The following FNIP2 variants were observed in gnomAD, a reference collection of about 807,000 sequenced individuals.
FNIP2 encodes folliculin interacting protein 2, also known as folliculin-interacting protein 2.
A neutral mutation model predicts 108.7 loss-of-function variants in FNIP2; 32 were observed. The ratio of observed to expected loss-of-function variants is 0.29; its 90% CI spans 0.22 to 0.40. FNIP2 has a LOEUF of 0.40. FNIP2 is among the 10% of genes least tolerant of loss of function. The probability of loss-of-function intolerance (pLI) is 1.00; values close to 1 mark genes in which losing one functional copy is unlikely to be tolerated. For missense variants in FNIP2, 1,202 were observed against 1,381.6 expected (o/e 0.87, Z 2.06); for synonymous variants, 480 against 496.7 (o/e 0.97, Z 0.45).
At chr4:158,892,141 CTTTTTTTTTTTT>C (rs34895070) in intron 15 of FNIP2, among the ~76,000 whole-genome samples, 1 of 113,510 alleles carries the variant, frequency 8.8e-6, no homozygotes, top group Non-Finnish European at 1.8e-5. Context: ...TCAATTGTTG[CTTTTTTTTTTTT>C]TTTTTTTTTG....
intron 16 of FNIP2, among the ~76,000 whole-genome samples, chr4:158,896,569 G>A (rs1011978444): frequency 6.6e-6 from 1 of 152,078 alleles, no homozygotes; most frequent in Non-Finnish European, 1.5e-5. Flanking sequence ...TTATAATGTC[G>A]ACGTTTAAAT....
chr4:158,783,411 A>C (rs1327553699), intron 1 of FNIP2, among the ~76,000 whole-genome samples: 1 of 152,214 alleles, frequency 6.6e-6, no homozygotes, highest in African/African-American at 2.4e-5. Context: ...AGATGTTTTT[A>C]GTTGGAGAGG....
intron 1 of FNIP2, among the ~76,000 whole-genome samples, chr4:158,824,712 C>T (rs1256713505): frequency 1.3e-5 from 2 of 152,204 alleles, no homozygotes; most frequent in Non-Finnish European, 2.9e-5. Flanking sequence ...TTTTCCTTGG[C>T]TTCTCATGGA....
chr4:158,836,782 C>T (rs1226830819), intron 7 of FNIP2: 1 of 125,936 alleles, frequency 7.9e-6, no homozygotes. Flanking sequence ...CGCCACTATA[C>T]TCCAGGCTGG....
rs11340968 is a variant in FNIP2 at position 158,905,694 on chromosome 4, CAAAAAAAA to C, written c.*1159_*1166del. The C allele has an allele frequency of 3.4e-5, 4 of 118,418 alleles. No individual in the cohort carries two copies. Among genetic ancestry groups the C allele is most frequent in the African/African-American group, 1.2e-4 (4 of 32,230 alleles). The allele number at this position is 118,418 out of a possible 1,614,324, so 7.3% of individuals were successfully genotyped here. A position where few individuals can be genotyped will look rare whatever the true frequency, so the allele number is the denominator to read the frequency against. On this transcript the variant is annotated 3_prime_UTR_variant, in exon 17 of 17. Coordinates refer to ENST00000264433, the MANE Select transcript of FNIP2 (RefSeq NM_020840.3). ...CCAAAATGATTTCCTAAAGTTCATG[CAAAAAAAA>C]AAAAAAAACAACCTAATTTTCTGTT...
intron 8 of FNIP2, among the ~76,000 whole-genome samples, chr4:158,854,293 C>T (rs771572631): frequency 3.0e-4 from 46 of 152,234 alleles, no homozygotes; most frequent in Non-Finnish European, 5.4e-4. Context: ...AAACTGGCCT[C>T]CCACCCTGGT....
intron 16 of FNIP2, among the ~76,000 whole-genome samples, chr4:158,899,645 T>A (rs1400976048): frequency 6.6e-6 from 1 of 152,252 alleles, no homozygotes; most frequent in East Asian, 1.9e-4. Context: ...AGTAGAGGTG[T>A]TTATAGTATT....
At chr4:158,796,609 T>C (rs1399807009) in intron 1 of FNIP2, among the ~76,000 whole-genome samples, 3 of 152,322 alleles carry the variant, frequency 2.0e-5, no homozygotes, top group Non-Finnish European at 4.4e-5. Context: ...TACAGTGCAA[T>C]CATCTATGAG....
At chr4:158,779,276 A>G (rs1447308901) in intron 1 of FNIP2, among the ~76,000 whole-genome samples, 1 of 152,220 alleles carries the variant, frequency 6.6e-6, no homozygotes. Flanking sequence ...TATTATCATT[A>G]TAATGTTAAA....
At chr4:158,805,051 C>T (rs75334785) in intron 1 of FNIP2, among the ~76,000 whole-genome samples, 3,636 of 152,256 alleles carry the variant, frequency 0.024, 132 homozygotes, top group African/African-American at 0.078. Context: ...CCTGCCATGA[C>T]ATTAGTTTTT....
At chr4:158,830,009 A>G (rs1009110513) in intron 3 of FNIP2, among the ~76,000 whole-genome samples, 3 of 152,154 alleles carry the variant, frequency 2.0e-5, no homozygotes, top group African/African-American at 7.2e-5. Flanking sequence ...CCAGGGTCTC[A>G]CAGCAGTCTG....
At chr4:158,836,708 C>T (rs926303064) in intron 7 of FNIP2, 3 of 147,668 alleles carry the variant, frequency 2.0e-5, no homozygotes, top group African/African-American at 2.5e-5. Context: ...CCTAGCTACT[C>T]AGGAGGCTGA....
chr4:158,833,768 T>G (rs1022723320), intron 6 of FNIP2, 140 bp downstream of exon 6: 2 of 1,499,730 alleles, frequency 1.3e-6, no homozygotes, highest in Non-Finnish European at 9.0e-7. Flanking sequence ...ATGTGTACTT[T>G]GTTTGCCCTC....
intron 16 of FNIP2, among the ~76,000 whole-genome samples, chr4:158,899,180 G>T (rs1286743786): frequency 6.6e-6 from 1 of 152,178 alleles, no homozygotes; most frequent in Non-Finnish European, 1.5e-5. Context: ...AACCAGTCTT[G>T]CATCCCAGGG....
chr4:158,851,558 T>G, intron 8 of FNIP2, 108 bp downstream of exon 8: 1 of 1,344,314 alleles, frequency 7.4e-7, no homozygotes, highest in Non-Finnish European at 1.0e-6. Context: ...AAACCAAAAC[T>G]TTTTTATTAG....
intron 7 of FNIP2, among the ~76,000 whole-genome samples, chr4:158,843,259 A>G (rs1578901012): frequency 6.6e-6 from 1 of 152,228 alleles, no homozygotes; most frequent in South Asian, 2.1e-4. Context: ...TAAATGCCGT[A>G]TATACTGTGT....
At chr4:158,890,392 A>T in intron 14 of FNIP2, 1 of 976,534 alleles carries the variant, frequency 1.0e-6, no homozygotes, top group South Asian at 4.7e-5. Context: ...GTCCGCACGA[A>T]GTTTTCATTC....
intron 14 of FNIP2, among the ~76,000 whole-genome samples, chr4:158,880,280 C>A (rs554948419): frequency 1.2e-4 from 18 of 152,258 alleles, no homozygotes; most frequent in African/African-American, 4.3e-4. Context: ...ATGATGAGTT[C>A]ATGTCCTTTG....
chr4:158,898,730 T>C (rs1361912693), intron 16 of FNIP2, among the ~76,000 whole-genome samples: 1 of 152,210 alleles, frequency 6.6e-6, no homozygotes, highest in Non-Finnish European at 1.5e-5. Flanking sequence ...TAAGGAGATT[T>C]TGGGCTGAAA....
Sources: allele counts gnomAD v4.1 joint callset (sites outside exome capture counted in the v4.1 genomes callset), GRCh38; gene constraint gnomAD v4.1.1; transcripts MANE v1.5; gene names NCBI Gene and HGNC (gene_info 2026-07-23, HGNC 2026-07-21).